SPAST: variants seen among roughly 807,000 people sequenced by gnomAD.
SPAST encodes spastin.
In SPAST, 30 loss-of-function variants were observed where a neutral mutation model predicts 76.6. The observed-to-expected ratio is 0.39, with a 90% CI of 0.29 to 0.53. The LOEUF (loss-of-function observed/expected upper bound fraction) is 0.53. Among genes scored for constraint, SPAST ranks in the 20% least tolerant of loss-of-function variants. The pLI, the probability that SPAST is intolerant of heterozygous loss-of-function variation, is 0.68. For missense variants in SPAST, 717 were observed against 770.5 expected (o/e 0.93, Z 0.82); for synonymous variants, 305 against 281.0 (o/e 1.09, Z -0.86).
At chr2:32,128,257 A>G in intron 8 of SPAST, 151 bp from the exon 9 acceptor site, 1 of 627,804 alleles carries the variant, frequency 1.6e-6, no homozygotes, top group Non-Finnish European at 2.8e-6. Context: ...GGCCTCCGAA[A>G]GTGCTGGGAT....
chr2:32,150,239 ATTTTTTTTTTTTTT>A (rs11363493), intron 16 of SPAST, among the ~76,000 whole-genome samples: 32 of 66,590 alleles, frequency 4.8e-4, no homozygotes, highest in African/African-American at 1.9e-3. Context: ...CGCCCAGCTA[ATTTTTTTTTTTTTT>A]TTTTTTTTTT....
chr2:32,087,634 C>A, intron 2 of SPAST, 56 bp downstream of exon 2: 1 of 718,044 alleles, frequency 1.4e-6, no homozygotes, highest in South Asian at 2.0e-5. Context: ...ACATGATTGT[C>A]CAGATTTCAG....
At chr2:32,066,619 G>C (rs1217609613) in intron 1 of SPAST, among the ~76,000 whole-genome samples, 1 of 151,860 alleles carries the variant, frequency 6.6e-6, no homozygotes, top group Admixed American at 6.6e-5. Flanking sequence ...AGTGAGCCGA[G>C]ATCGTGCCAC....
At chr2:32,116,759 A>G (rs1419037655) in intron 7 of SPAST, among the ~76,000 whole-genome samples, 9 of 152,180 alleles carry the variant, frequency 5.9e-5, no homozygotes, top group Non-Finnish European at 1.0e-4. Context: ...GAGTCACTAC[A>G]TCTGGCCAAA....
chr2:32,107,836 G>T (rs563973419), intron 4 of SPAST, among the ~76,000 whole-genome samples: 33 of 152,214 alleles, frequency 2.2e-4, no homozygotes, highest in Admixed American at 1.6e-3. Flanking sequence ...AGTCCAAGTA[G>T]ATCACTCAGA....
intron 12 of SPAST, among the ~76,000 whole-genome samples, chr2:32,141,312 T>G (rs1679713017): frequency 6.6e-6 from 1 of 152,250 alleles, no homozygotes; most frequent in Non-Finnish European, 1.5e-5. Context: ...TTGCCATTCC[T>G]ATGCTATCAA....
rs779748909 is a variant in SPAST, at chr2:32,114,717, A to G, written c.762A>G (p.Lys254=). ...TGCCTCGTTCAAAAACAGTTATGAA[A>G]ACTGGATCTGCAGGCCTTTCAGGCC... ...NSLPRSKTVM[K]TGSAGLSGHH... is the part of the protein sequence containing the mutation. Residue 254 remains lysine, a synonymous_variant, in exon 5 of 17, where the codon AAA becomes AAG. Coordinates refer to ENST00000315285, the MANE Select transcript of SPAST (RefSeq NM_014946.4). 1.9e-6 allele frequency: 3 copies of G among 1,614,098 alleles called. No homozygotes were observed. In the South Asian group the frequency reaches 3.3e-5, roughly 18 times the overall value.
rs181786034 is a variant in SPAST, at chr2:32,079,100, C to T, written c.416-8392C>T. ...AAGTGACCCGCCCACCTCAGCCTCC[C>T]GAAGTGTTGAGAGAACAGGTGTGAA... On this transcript the variant is annotated intron_variant, in intron 1 of 16. Transcript: ENST00000315285. Among the ~76,000 whole-genome samples the T allele has an allele frequency of 7.9e-3, 1,202 of 152,196 alleles. 6 individuals carry two copies. Among genetic ancestry groups the T allele is most frequent in the Non-Finnish European group, 0.013 (865 of 68,018 alleles).
intron 16 of SPAST, among the ~76,000 whole-genome samples, chr2:32,150,239 A>ATTTT (rs11363493): frequency 9.0e-5 from 6 of 66,578 alleles, no homozygotes; most frequent in African/African-American, 1.8e-4. Context: ...CGCCCAGCTA[A>ATTTT]TTTTTTTTTT....
chr2:32,101,967 T>G (rs190055731), intron 4 of SPAST, among the ~76,000 whole-genome samples: 14 of 152,362 alleles, frequency 9.2e-5, no homozygotes, highest in African/African-American at 3.4e-4. Context: ...GGCTCTTTTT[T>G]GGTTCCATAT....
intron 7 of SPAST, among the ~76,000 whole-genome samples, chr2:32,118,463 A>G (rs1678915155): frequency 6.6e-6 from 1 of 152,340 alleles, no homozygotes; most frequent in South Asian, 2.1e-4. Context: ...GATTTATGTC[A>G]TGTACCACCT....
At chr2:32,089,686 A>G (rs928152448) in intron 3 of SPAST, 81 bp downstream of exon 3, 1 of 801,178 alleles carries the variant, frequency 1.2e-6, no homozygotes, top group Admixed American at 1.9e-5. Context: ...AAAGAAATAG[A>G]TCAGTGATTG....
chr2:32,094,495 A>G (rs775145227), intron 3 of SPAST, among the ~76,000 whole-genome samples: 1 of 152,190 alleles, frequency 6.6e-6, no homozygotes, highest in African/African-American at 2.4e-5. Flanking sequence ...GCCTTAAGAG[A>G]AAGTACCTGG....
rs1235043134 is a variant in SPAST at position 32,125,875 on chromosome 2, C to T, written c.1099-1073C>T. Reference sequence around the variant, plus strand: ...AGTGGCGCAATCTTGGCTCAATACACGCTCCGCCTCCCGGGTTCACGCCAT... The same window carrying T: ...AGTGGCGCAATCTTGGCTCAATACATGCTCCGCCTCCCGGGTTCACGCCAT... On this transcript the variant is annotated intron_variant, in intron 7 of 16. Coordinates refer to ENST00000315285, the MANE Select transcript of SPAST (RefSeq NM_014946.4). Among the ~76,000 whole-genome samples, 7 of 152,008 alleles carry T rather than the reference C, an allele frequency of 4.6e-5. No individual in the cohort carries two copies. The South Asian group carries it at 1.0e-3, about 23-fold the overall frequency.
At chr2:32,092,504 C>T (rs2148712803) in intron 3 of SPAST, among the ~76,000 whole-genome samples, 1 of 152,126 alleles carries the variant, frequency 6.6e-6, no homozygotes, top group South Asian at 2.1e-4. Flanking sequence ...GTATTAATAT[C>T]AATTAGAGAC....
intron 1 of SPAST, among the ~76,000 whole-genome samples, chr2:32,073,650 A>G (rs1676839843): frequency 6.6e-6 from 1 of 152,070 alleles, no homozygotes; most frequent in Non-Finnish European, 1.5e-5. Flanking sequence ...CTCTTGACCT[A>G]TAATAGTCCT....
chr2:32,154,327 T>C, intron 16 of SPAST, 47 bp from the exon 17 acceptor site: 1 of 1,563,066 alleles, frequency 6.4e-7, no homozygotes. Flanking sequence ...TTAACCACCA[T>C]ATACCTGTTG....
rs1466144494 is a variant in SPAST, at chr2:32,154,539, G to A, written c.*43G>A. The A allele has an allele frequency of 1.2e-6, 2 of 1,601,010 alleles. No homozygotes were observed. Among genetic ancestry groups the A allele is most frequent in the Non-Finnish European group, 1.7e-6 (2 of 1,168,784 alleles). ...CCTGCAGAACATTTTACTTAAAAGA[G>A]GAAACACAAGATCTTCAATGAACGT... On this transcript the variant is annotated 3_prime_UTR_variant, in exon 17 of 17. Transcript: ENST00000315285.
intron 4 of SPAST, among the ~76,000 whole-genome samples, chr2:32,102,446 T>C (rs1034566401): frequency 2.0e-5 from 3 of 152,218 alleles, no homozygotes; most frequent in African/African-American, 7.2e-5. Flanking sequence ...CTTTTCCTAA[T>C]TGGATACCCT....
Sources: gnomAD v4.1 joint callset for allele counts (sites outside exome capture counted in the v4.1 genomes callset) on GRCh38, gnomAD v4.1.1 for gene constraint, MANE v1.5 for transcripts, NCBI Gene and HGNC (gene_info 2026-07-23, HGNC 2026-07-21) for gene names.